FYN: variants seen among roughly 807,000 people sequenced by gnomAD.
FYN encodes the protein FYN proto-oncogene, Src family tyrosine kinase.
A neutral mutation model predicts 70.2 loss-of-function variants in FYN; 10 were observed. The ratio of observed to expected loss-of-function variants is 0.14; its 90% CI spans 0.09 to 0.24. The LOEUF (loss-of-function observed/expected upper bound fraction) is 0.24, where lower values mean the gene tolerates loss of function less well. FYN is among the 10% of genes least tolerant of loss of function. FYN has a pLI of 1.00. For synonymous variants in FYN, 236 were observed against 248.6 expected, an observed-to-expected ratio of 0.95 and a Z score of 0.48; for missense variants, 319 against 673.1, an observed-to-expected ratio of 0.47 and a Z score of 5.82.
At chr6:111,713,709 C>T (rs1203570687) in intron 5 of FYN, among the ~76,000 whole-genome samples, 1 of 152,200 alleles carries the variant, frequency 6.6e-6, no homozygotes, top group Non-Finnish European at 1.5e-5. Flanking sequence ...GAGTGATCCT[C>T]ACTCTTGAAA....
At chr6:111,794,735 T>C (rs1314718084) in intron 2 of FYN, among the ~76,000 whole-genome samples, 1 of 152,214 alleles carries the variant, frequency 6.6e-6, no homozygotes, top group African/African-American at 2.4e-5. Flanking sequence ...CCATATTGTC[T>C]ATGGCTGCTT....
intron 5 of FYN, among the ~76,000 whole-genome samples, chr6:111,712,691 G>A (rs1366479852): frequency 6.6e-6 from 1 of 152,196 alleles, no homozygotes; most frequent in African/African-American, 2.4e-5. Context: ...CTTAGCTCAT[G>A]GCTGGTACAT....
chr6:111,692,511 C>A (rs547816649), intron 12 of FYN, among the ~76,000 whole-genome samples: 1 of 152,132 alleles, frequency 6.6e-6, no homozygotes, highest in Non-Finnish European at 1.5e-5. Flanking sequence ...GTGAATAAGG[C>A]GTGGACTAAA....
chr6:111,675,834 T>TAAATA lies in FYN; in HGVS notation c.1274-1209_1274-1205dup, dbSNP rs1014036984. Reference sequence around the variant, plus strand: ...AAATAAAAATAAATAAATAAATAAATAAATAAAATAAAATAAAATAAAAGG... The same window carrying TAAATA: ...AAATAAAAATAAATAAATAAATAAATAAATAAAATAAAATAAAATAAAATAAAAGG... On this transcript the variant is annotated intron_variant, in intron 12 of 13. Transcript: ENST00000354650. Among the ~76,000 whole-genome samples the TAAATA allele has an allele frequency of 4.5e-3, 678 of 150,702 alleles. 6 individuals are homozygous for TAAATA. The highest frequency in any genetic ancestry group is 0.015 in the African/African-American group (637 of 41,158).
intron 8 of FYN, 93 bp downstream of exon 8, chr6:111,702,792 A>T (rs1280336111): frequency 7.3e-6 from 9 of 1,230,550 alleles, no homozygotes; most frequent in African/African-American, 1.5e-5. Context: ...GATTTTGTAC[A>T]TATTAGTTTT....
chr6:111,700,074 TA>T (rs1252541714), intron 9 of FYN, 29 bp downstream of exon 9: 1 of 1,607,022 alleles, frequency 6.2e-7, no homozygotes, highest in East Asian at 2.2e-5. Context: ...ACGGGGAAGC[TA>T]ATAAGAGAGT....
intron 3 of FYN, among the ~76,000 whole-genome samples, chr6:111,727,839 T>C (rs995781352): frequency 1.3e-5 from 2 of 152,216 alleles, no homozygotes; most frequent in African/African-American, 4.8e-5. Context: ...TAGAATATTT[T>C]TGTGGGTCCC....
intron 1 of FYN, among the ~76,000 whole-genome samples, chr6:111,852,130 A>G (rs1562545449): frequency 6.6e-6 from 1 of 152,166 alleles, no homozygotes; most frequent in Non-Finnish European, 1.5e-5. Flanking sequence ...CTGGGGATTT[A>G]TTTAAGAGCA....
At chr6:111,703,641 T>C (rs1018294941) in intron 7 of FYN, among the ~76,000 whole-genome samples, 2 of 152,102 alleles carry the variant, frequency 1.3e-5, no homozygotes, top group Non-Finnish European at 2.9e-5. Context: ...CTCAGTTATT[T>C]AAAAAACAAA....
intron 2 of FYN, among the ~76,000 whole-genome samples, chr6:111,792,471 C>G (rs746765390): frequency 2.6e-5 from 4 of 152,168 alleles, no homozygotes; most frequent in Non-Finnish European, 5.9e-5. Flanking sequence ...CAGAGCCTAT[C>G]CTACAGAAAT....
At chr6:111,816,936 GCA>G (rs1772506769) in intron 2 of FYN, among the ~76,000 whole-genome samples, 1 of 152,224 alleles carries the variant, frequency 6.6e-6, no homozygotes, top group Middle Eastern at 3.4e-3. Flanking sequence ...CCAGAATTTA[GCA>G]CAGTGTCTGC....
At chr6:111,802,776 G>GA (rs773356986) in intron 2 of FYN, among the ~76,000 whole-genome samples, 365 of 125,624 alleles carry the variant, frequency 2.9e-3, no homozygotes, top group East Asian at 2.8e-3. Flanking sequence ...CTTTCTGGCT[G>GA]AAAAAAAAAA....
At chr6:111,709,038 G>A (rs1396589481) in intron 5 of FYN, 3 of 152,156 alleles carry the variant, frequency 2.0e-5, no homozygotes, top group African/African-American at 2.4e-5. Context: ...CATCCACTGA[G>A]TATCTGCAGA....
chr6:111,697,412 AG>A (rs1230033793), intron 9 of FYN, among the ~76,000 whole-genome samples: 35 of 152,228 alleles, frequency 2.3e-4, no homozygotes, highest in Admixed American at 2.2e-3. Context: ...TATTTGAAAA[AG>A]AAGACTGGTT....
chr6:111,714,441 C>T lies in FYN; in HGVS notation c.250G>A (p.Val84Met). 6.2e-7 allele frequency: 1 copy of T among 1,612,826 alleles called. No homozygotes were observed. Among genetic ancestry groups the T allele is most frequent in the Non-Finnish European group, 8.5e-7 (1 of 1,178,856 alleles). The change falls in exon 5 of 14, where the codon GTG becomes ATG. Residue 84 changes from valine (V) to methionine (M), a missense_variant and splice_region_variant. Val to Met is a conservative substitution (Grantham distance 21). This residue lies in a region of FYN where 128 missense variants were observed against 183.9 expected (regional missense o/e 0.70). Coordinates refer to ENST00000354650, the MANE Select transcript of FYN (RefSeq NM_002037.5). Reference protein sequence around the residue: ...GTLRTRGGTGVTLFVALYDYE... With the variant: ...GTLRTRGGTGMTLFVALYDYE... ...TCATAAAGGGCCACAAAGAGTGTCA[C>T]TCCTGCCGAAACGAAATTCACAAGA...
At chr6:111,788,200 C>T (rs567375793) in intron 2 of FYN, among the ~76,000 whole-genome samples, 131 of 152,276 alleles carry the variant, frequency 8.6e-4, no homozygotes, top group African/African-American at 2.9e-3. Context: ...CAACTTTTCA[C>T]GCTATCTGCT....
intron 9 of FYN, among the ~76,000 whole-genome samples, chr6:111,698,943 C>T (rs772942957): frequency 2.0e-5 from 3 of 152,154 alleles, no homozygotes; most frequent in East Asian, 1.9e-4. Context: ...ATTAGCTGGG[C>T]GTGGTGGCAG....
At chr6:111,759,632 G>A (rs1187151022) in intron 3 of FYN, among the ~76,000 whole-genome samples, 2 of 152,114 alleles carry the variant, frequency 1.3e-5, no homozygotes, top group East Asian at 3.9e-4. Context: ...GACTTTGGTG[G>A]GCTATGTTCC....
At chr6:111,862,778 G>A (rs895133120) in intron 1 of FYN, among the ~76,000 whole-genome samples, 9 of 152,218 alleles carry the variant, frequency 5.9e-5, no homozygotes, top group African/African-American at 2.2e-4. Context: ...GGAGGCAATT[G>A]AGAGATACAA....
Sources: gnomAD v4.1 joint callset for allele counts (sites outside exome capture counted in the v4.1 genomes callset) on GRCh38, gnomAD v4.1.1 for gene constraint, gnomAD v4.1.1 regional missense constraint, MANE v1.5 for transcripts, NCBI Gene and HGNC (gene_info 2026-07-23, HGNC 2026-07-21) for gene names.